IMMP2L: variants seen among roughly 807,000 people sequenced by gnomAD.
The protein encoded by IMMP2L is mitochondrial inner membrane protease subunit 2.
Under a neutral mutation model 19.3 loss-of-function variants are expected in IMMP2L, and 18 were observed. The ratio of observed to expected loss-of-function variants is 0.93; its 90% CI spans 0.64 to 1.38. The LOEUF is 1.38. Ranked by LOEUF, IMMP2L falls within the 40% of genes most tolerant of loss-of-function variation. The probability of loss-of-function intolerance (pLI) is 0.00; values close to 1 mark genes in which losing one functional copy is unlikely to be tolerated. For missense variants in IMMP2L, 233 were observed against 218.2 expected, an observed-to-expected ratio of 1.07 and a Z score of -0.43; for synonymous variants, 76 against 73.0, an observed-to-expected ratio of 1.04 and a Z score of -0.21.
chr7:110,755,360 G>T (rs924860668), intron 5 of IMMP2L, among the ~76,000 whole-genome samples: 1 of 151,966 alleles, frequency 6.6e-6, no homozygotes, highest in Non-Finnish European at 1.5e-5. Context: ...GACAAAAATA[G>T]AGAAAAGTTA....
chr7:110,916,859 A>G (rs927575132), intron 4 of IMMP2L, among the ~76,000 whole-genome samples: 1 of 152,194 alleles, frequency 6.6e-6, no homozygotes, highest in Admixed American at 6.6e-5. Flanking sequence ...TTCTCAAAAC[A>G]TATTTTCTCA....
At chr7:110,691,823 T>C (rs1389445179) in intron 5 of IMMP2L, among the ~76,000 whole-genome samples, 2 of 152,162 alleles carry the variant, frequency 1.3e-5, no homozygotes, top group Non-Finnish European at 2.9e-5. Flanking sequence ...TTGGCATAGA[T>C]GTGGTAAAAG....
intron 3 of IMMP2L, among the ~76,000 whole-genome samples, chr7:111,107,017 C>T (rs913118769): frequency 6.6e-6 from 1 of 151,666 alleles, no homozygotes; most frequent in East Asian, 1.9e-4. Flanking sequence ...GATGTAAATC[C>T]TAGAAAACAA....
At chr7:110,764,517 C>T (rs1029041429) in intron 5 of IMMP2L, among the ~76,000 whole-genome samples, 1 of 152,068 alleles carries the variant, frequency 6.6e-6, no homozygotes, top group African/African-American at 2.4e-5. Context: ...CACGATTGAG[C>T]TTTTAAATAA....
chr7:111,137,335 T>C (rs912597570), intron 3 of IMMP2L, among the ~76,000 whole-genome samples: 2 of 152,192 alleles, frequency 1.3e-5, no homozygotes, highest in African/African-American at 2.4e-5. Context: ...GTATTTTCCA[T>C]TGGAAGTAAA....
At chr7:110,971,683 C>T (rs950745132) in intron 3 of IMMP2L, among the ~76,000 whole-genome samples, 1 of 152,078 alleles carries the variant, frequency 6.6e-6, no homozygotes, top group African/African-American at 2.4e-5. Context: ...TTAAGTCTTG[C>T]TTGCAATAGG....
chr7:111,137,739 T>C (rs1226656449), intron 3 of IMMP2L, among the ~76,000 whole-genome samples: 2 of 152,214 alleles, frequency 1.3e-5, no homozygotes, highest in Non-Finnish European at 2.9e-5. Flanking sequence ...TGGATTTTTA[T>C]GAGAACTTTA....
chr7:111,397,006 T>C (rs1286647478), intron 3 of IMMP2L, among the ~76,000 whole-genome samples: 1 of 151,890 alleles, frequency 6.6e-6, no homozygotes, highest in Non-Finnish European at 1.5e-5. Context: ...GAGAATGGTA[T>C]GAACCAGGGA....
intron 3 of IMMP2L, among the ~76,000 whole-genome samples, chr7:111,092,371 G>A (rs184891018): frequency 1.3e-5 from 2 of 152,252 alleles, no homozygotes; most frequent in South Asian, 2.1e-4. Context: ...TCCCTTTGCT[G>A]TTGTTGAGCT....
chr7:111,414,055 G>A (rs1834723459), intron 3 of IMMP2L, among the ~76,000 whole-genome samples: 1 of 151,664 alleles, frequency 6.6e-6, no homozygotes, highest in African/African-American at 2.4e-5. Context: ...CAGTTTCCCG[G>A]AAAGTTTCAA....
chr7:110,747,993 A>T lies in IMMP2L; in HGVS notation c.409-84272T>A, dbSNP rs558099978. Reference sequence around the variant, plus strand: ...GAAGATGACATGATTGTATATTCAGAAAACCTCATCATCTCAGCCCAAAAT... The same window carrying T: ...GAAGATGACATGATTGTATATTCAGTAAACCTCATCATCTCAGCCCAAAAT... On this transcript the variant is annotated intron_variant, in intron 5 of 5. Transcript: ENST00000405709. Among the ~76,000 whole-genome samples, 46 of 152,350 alleles carry T rather than the reference A, an allele frequency of 3.0e-4. No homozygotes were observed. In the South Asian group the frequency reaches 9.3e-3, roughly 31 times the overall value.
chr7:111,515,667 G>A (rs909697763), intron 2 of IMMP2L, among the ~76,000 whole-genome samples: 2 of 151,898 alleles, frequency 1.3e-5, no homozygotes, highest in African/African-American at 4.8e-5. Context: ...GTTTTGCACT[G>A]GGAATATTTC....
intron 3 of IMMP2L, among the ~76,000 whole-genome samples, chr7:111,462,530 G>A (rs1840226171): frequency 6.6e-6 from 1 of 151,960 alleles, no homozygotes; most frequent in Non-Finnish European, 1.5e-5. Context: ...TTGAATTATT[G>A]TGAATACATA....
chr7:110,921,314 G>C (rs1022892189), intron 4 of IMMP2L, among the ~76,000 whole-genome samples: 4 of 152,174 alleles, frequency 2.6e-5, no homozygotes, highest in South Asian at 2.1e-4. Flanking sequence ...CATCTGAGGA[G>C]GTTTCTCAAG....
intron 3 of IMMP2L, among the ~76,000 whole-genome samples, chr7:111,093,189 G>T (rs1161593307): frequency 6.6e-6 from 1 of 152,178 alleles, no homozygotes. Context: ...TTTAAGAAGA[G>T]GGTTCCTGCT....
intron 3 of IMMP2L, among the ~76,000 whole-genome samples, chr7:111,470,583 T>C (rs2132100284): frequency 6.6e-6 from 1 of 151,446 alleles, no homozygotes; most frequent in South Asian, 2.1e-4. Flanking sequence ...GGGACATGGA[T>C]GAAATTGGAA....
intron 1 of IMMP2L, among the ~76,000 whole-genome samples, chr7:111,540,591 C>T (rs917410536): frequency 3.3e-5 from 5 of 152,152 alleles, no homozygotes; most frequent in Admixed American, 1.3e-4. Context: ...ACTCCTCTGG[C>T]ATTCACTAGC....
At chr7:110,740,494 T>C (rs1391405308) in intron 5 of IMMP2L, among the ~76,000 whole-genome samples, 2 of 152,058 alleles carry the variant, frequency 1.3e-5, no homozygotes, top group Non-Finnish European at 2.9e-5. Flanking sequence ...CCTGGAAATA[T>C]ACAACCCTCC....
chr7:111,013,346 T>A (rs576691941), intron 3 of IMMP2L, among the ~76,000 whole-genome samples: 4 of 152,264 alleles, frequency 2.6e-5, no homozygotes, highest in African/African-American at 9.6e-5. Flanking sequence ...GGCTGGCCAA[T>A]GAAAAGGCTT....
Sources: allele counts gnomAD v4.1 joint callset (sites outside exome capture counted in the v4.1 genomes callset), GRCh38; gene constraint gnomAD v4.1.1; transcripts MANE v1.5; gene names NCBI Gene and HGNC (gene_info 2026-07-23, HGNC 2026-07-21).